HHAT: variants seen among roughly 807,000 people sequenced by gnomAD.
HHAT encodes protein-cysteine N-palmitoyltransferase HHAT.
A neutral mutation model predicts 70.8 loss-of-function variants in HHAT; 47 were observed. The observed-to-expected ratio is 0.66, with a 90% CI of 0.53 to 0.85. The LOEUF (loss-of-function observed/expected upper bound fraction) is 0.85, where lower values mean the gene tolerates loss of function less well. Ranked by LOEUF, HHAT falls within the 40% of genes least tolerant of loss-of-function variation. HHAT has a pLI of 0.00. For synonymous variants in HHAT, 228 were observed against 247.6 expected, an observed-to-expected ratio of 0.92 and a Z score of 0.74; for missense variants, 609 against 604.8, an observed-to-expected ratio of 1.01 and a Z score of -0.07.
chr1:210,447,172 C>T (rs1341030774), intron 7 of HHAT, among the ~76,000 whole-genome samples: 1 of 152,178 alleles, frequency 6.6e-6, no homozygotes, highest in Non-Finnish European at 1.5e-5. Flanking sequence ...ATCTCTGAAT[C>T]TCAGTGTACT....
chr1:210,614,056 A>G lies in HHAT; in HGVS notation c.1246-9470A>G, dbSNP rs185288470. On this transcript the variant is annotated intron_variant, in intron 10 of 11. Coordinates refer to ENST00000261458, the MANE Select transcript of HHAT (RefSeq NM_018194.6). ...AAAAAAAAAAAAATTCCTCCCATCT[A>G]TGAACGTGGGATATCTTTGTATTTA... Among the ~76,000 whole-genome samples, 29 of 150,366 alleles carry G rather than the reference A, an allele frequency of 1.9e-4. 1 individual carries two copies. The highest frequency in any genetic ancestry group is 6.3e-4 in the African/African-American group (26 of 41,042).
intron 10 of HHAT, among the ~76,000 whole-genome samples, chr1:210,605,172 AC>A (rs922240758): frequency 1.3e-5 from 2 of 152,252 alleles, no homozygotes; most frequent in African/African-American, 4.8e-5. Flanking sequence ...ATTTGATGTA[AC>A]CACTGTAGCA....
At chr1:210,596,273 T>G (rs1485460287) in intron 10 of HHAT, among the ~76,000 whole-genome samples, 1 of 152,162 alleles carries the variant, frequency 6.6e-6, no homozygotes, top group Non-Finnish European at 1.5e-5. Flanking sequence ...TACTTGACTT[T>G]GGGAGTTTGG....
chr1:210,590,542 C>CCAAAAA (rs1661456090), intron 10 of HHAT: 1 of 40,594 alleles, frequency 2.5e-5, no homozygotes, highest in African/African-American at 7.6e-5. Flanking sequence ...AGTTCCAGTC[C>CCAAAAA]AAAAAAAAAA....
chr1:210,468,967 G>T (rs2094153156), intron 8 of HHAT, among the ~76,000 whole-genome samples: 1 of 152,124 alleles, frequency 6.6e-6, no homozygotes, highest in African/African-American at 2.4e-5. Flanking sequence ...AATCTCTGAG[G>T]AGAATACTAC....
chr1:210,572,282 G>A (rs1460162713), intron 9 of HHAT, among the ~76,000 whole-genome samples: 1 of 152,166 alleles, frequency 6.6e-6, no homozygotes, highest in African/African-American at 2.4e-5. Context: ...CGGAGAGGGA[G>A]CAGCCTCCTC....
chr1:210,533,186 TGAATTTGGATATGGCCAG>T (rs61122816), intron 9 of HHAT, among the ~76,000 whole-genome samples: 28,984 of 152,172 alleles, frequency 0.19, 3,326 homozygotes, highest in Middle Eastern at 0.29. Context: ...CACTGGCACC[TGAATTTGGATATGGCCAG>T]GAGTGATAAG....
At chr1:210,568,621 A>T (rs1462403333) in intron 9 of HHAT, among the ~76,000 whole-genome samples, 1 of 152,232 alleles carries the variant, frequency 6.6e-6, no homozygotes, top group Non-Finnish European at 1.5e-5. Context: ...GCCCCGTTAG[A>T]GAATTTTCTG....
At chr1:210,461,789 T>A (rs948433945) in intron 7 of HHAT, among the ~76,000 whole-genome samples, 5 of 152,148 alleles carry the variant, frequency 3.3e-5, no homozygotes, top group Non-Finnish European at 5.9e-5. Context: ...GATATTAAAA[T>A]TTCAAGGAAA....
At position 210,418,172 on chromosome 1, in the gene HHAT, G is replaced by A. The variant is rs771415014; in HGVS notation, c.703G>A (p.Asp235Asn). Residue 235 changes from aspartate (D) to asparagine (N), a missense_variant, in exon 7 of 12, where the codon GAC (aspartate) becomes AAC (asparagine). By Grantham distance (23) the Asp-to-Asn change is conservative. Transcript: ENST00000261458. ...ACTTTAGATGCAGCAGCAGGAGCAT[G>A]ACTCCCTGAAGGCCAGCCTGTGTGT... Reference protein sequence around the residue: ...FIKQMQQQEHDSLKASLCVLA... With the variant: ...FIKQMQQQEHNSLKASLCVLA... 1.2e-6 allele frequency: 2 copies of A among 1,614,148 alleles called. No homozygotes were observed. Among genetic ancestry groups the A allele is most frequent in the South Asian group, 1.1e-5 (1 of 91,058 alleles).
intron 1 of HHAT, among the ~76,000 whole-genome samples, chr1:210,335,980 G>A (rs1486351383): frequency 6.6e-6 from 1 of 152,182 alleles, no homozygotes; most frequent in Non-Finnish European, 1.5e-5. Context: ...CAAGATAGAT[G>A]TAAAAGAGTA....
chr1:210,483,820 A>C (rs932038180), intron 8 of HHAT, among the ~76,000 whole-genome samples: 2 of 152,216 alleles, frequency 1.3e-5, no homozygotes, highest in African/African-American at 4.8e-5. Flanking sequence ...CCCATCAACC[A>C]AGGTAGAATA....
At chr1:210,442,867 T>C (rs2093553109) in intron 7 of HHAT, among the ~76,000 whole-genome samples, 1 of 152,202 alleles carries the variant, frequency 6.6e-6, no homozygotes, top group Admixed American at 6.5e-5. Context: ...TAGATCCCAT[T>C]TGTCAATTTT....
chr1:210,587,771 C>T (rs1170065582), intron 9 of HHAT, 127 bp from the exon 10 acceptor site: 2 of 721,820 alleles, frequency 2.8e-6, no homozygotes, highest in Admixed American at 4.9e-5. Context: ...AGGAATCTGG[C>T]CTCTTGGAAG....
chr1:210,505,937 T>A (rs1194099960), intron 8 of HHAT, among the ~76,000 whole-genome samples: 1 of 152,132 alleles, frequency 6.6e-6, no homozygotes, highest in African/African-American at 2.4e-5. Flanking sequence ...CCGAGATTAG[T>A]CTGGGAGGAA....
chr1:210,420,695 T>C (rs140706458), intron 7 of HHAT, among the ~76,000 whole-genome samples: 1 of 150,924 alleles, frequency 6.6e-6, no homozygotes, highest in East Asian at 2.0e-4. Flanking sequence ...AACAAAGAAA[T>C]ACATTTTGCA....
intron 9 of HHAT, among the ~76,000 whole-genome samples, chr1:210,533,322 GGGGA>G (rs2095334499): frequency 9.1e-6 from 1 of 109,790 alleles, no homozygotes; most frequent in Non-Finnish European, 2.0e-5. Context: ...CAGCATCTTT[GGGGA>G]CTGTCAACTC....
chr1:210,491,505 G>T (rs1422236710), intron 8 of HHAT, among the ~76,000 whole-genome samples: 1 of 152,096 alleles, frequency 6.6e-6, no homozygotes, highest in Non-Finnish European at 1.5e-5. Flanking sequence ...GAACCCTTGG[G>T]CAAGTTATTA....
chr1:210,336,339 G>A (rs2085498942), intron 1 of HHAT, among the ~76,000 whole-genome samples: 1 of 132,596 alleles, frequency 7.5e-6, no homozygotes, highest in African/African-American at 2.9e-5. Context: ...TGTTGCCCAG[G>A]CTGGTCTTGA....
Sources: gnomAD v4.1 joint callset for allele counts (sites outside exome capture counted in the v4.1 genomes callset) on GRCh38, gnomAD v4.1.1 for gene constraint, MANE v1.5 for transcripts, NCBI Gene and HGNC (gene_info 2026-07-23, HGNC 2026-07-21) for gene names.